KCNH5: variants seen among roughly 807,000 people sequenced by gnomAD.
The protein encoded by KCNH5 is voltage-gated delayed rectifier potassium channel KCNH5.
In KCNH5, 46 loss-of-function variants were observed where a neutral mutation model predicts 96.1. That is an observed-to-expected ratio of 0.48 (90% CI 0.38 to 0.61). KCNH5 has a LOEUF of 0.61. KCNH5 is among the 20% of genes least tolerant of loss of function. The pLI, the probability that KCNH5 is intolerant of heterozygous loss-of-function variation, is 0.00. For missense variants in KCNH5, 907 were observed against 1,225.8 expected, an observed-to-expected ratio of 0.74 and a Z score of 3.88; for synonymous variants, 439 against 449.8, an observed-to-expected ratio of 0.98 and a Z score of 0.30.
At position 62,709,228 on chromosome 14, in the gene KCNH5, T is replaced by G. The variant is rs148185147; in HGVS notation, c.2020-773A>C. Among the ~76,000 whole-genome samples, 11 of 39,928 alleles carry G rather than the reference T, an allele frequency of 2.8e-4. No individual in the cohort carries two copies. The South Asian group carries it at 6.7e-3, about 24-fold the overall frequency. 26.2% of individuals were successfully genotyped at this position (39,928 alleles called of 152,430 possible). A position where few individuals can be genotyped will look rare whatever the true frequency, so the allele number is the denominator to read the frequency against. ...CGCCTGGGCGACAGAACGAGACTCC[T>G]TCTCAAAAAAAAAAAAAAAAAAAAA... On this transcript the variant is annotated intron_variant, in intron 10 of 10. Coordinates refer to ENST00000322893, the MANE Select transcript of KCNH5 (RefSeq NM_139318.5).
intron 7 of KCNH5, among the ~76,000 whole-genome samples, chr14:62,943,735 C>A (rs1889833537): frequency 6.6e-6 from 1 of 152,128 alleles, no homozygotes; most frequent in Admixed American, 6.6e-5. Flanking sequence ...GAGGATGTGG[C>A]TACCCTGGGG....
At chr14:62,775,029 G>T (rs916262130) in intron 10 of KCNH5, among the ~76,000 whole-genome samples, 3 of 152,156 alleles carry the variant, frequency 2.0e-5, no homozygotes, top group African/African-American at 7.2e-5. Context: ...ATGTACTTCT[G>T]TCTAGCAGCA....
intron 7 of KCNH5, among the ~76,000 whole-genome samples, chr14:62,884,229 T>C (rs1241352600): frequency 1.3e-5 from 2 of 152,222 alleles, no homozygotes; most frequent in African/African-American, 4.8e-5. Flanking sequence ...GCGCTCAGTA[T>C]GGATATAGCC....
Position 62,705,844 on chromosome 14 carries a change from G to A in KCNH5, c.*1664C>T, listed in dbSNP as rs569027350. 2.0e-5 allele frequency: 3 copies of A among 151,992 alleles called. No homozygotes were observed. The highest frequency in any genetic ancestry group is 2.9e-5 in the Non-Finnish European group (2 of 67,906). 9.4% of individuals were successfully genotyped at this position (151,992 alleles called of 1,614,324 possible). Reference sequence around the variant, plus strand: ...TATAATAGATCAAGATATCTCCTTCGATTTTGCCATCATCTTTTGCATATT... The same window carrying A: ...TATAATAGATCAAGATATCTCCTTCAATTTTGCCATCATCTTTTGCATATT... On this transcript the variant is annotated 3_prime_UTR_variant, in exon 11 of 11. Transcript: ENST00000322893.
chr14:63,016,369 A>G (rs940682116), intron 2 of KCNH5, among the ~76,000 whole-genome samples: 1 of 152,100 alleles, frequency 6.6e-6, no homozygotes, highest in East Asian at 1.9e-4. Flanking sequence ...ATTACCAAGT[A>G]CATGTGGCTT....
rs188492417 is a variant in KCNH5 at position 62,722,722 on chromosome 14, C to T, written c.2020-14267G>A. Among the ~76,000 whole-genome samples, 39 of 152,246 alleles carry T rather than the reference C, an allele frequency of 2.6e-4. No individual in the cohort carries two copies. The East Asian group carries it at 7.3e-3, about 29-fold the overall frequency. On this transcript the variant is annotated intron_variant, in intron 10 of 10. Transcript: ENST00000322893. Reference sequence around the variant, plus strand: ...AATAACATCATTTGACATTGGCAAACGTAATACACTTTATAAAGCTCTTCC... The same window carrying T: ...AATAACATCATTTGACATTGGCAAATGTAATACACTTTATAAAGCTCTTCC...
chr14:62,765,399 A>G (rs1463443784), intron 10 of KCNH5, among the ~76,000 whole-genome samples: 3 of 152,122 alleles, frequency 2.0e-5, no homozygotes, highest in Non-Finnish European at 4.4e-5. Context: ...TGAAATGTAA[A>G]CCCTAAAACT....
intron 8 of KCNH5, among the ~76,000 whole-genome samples, chr14:62,817,738 A>AATATATTCTAGGAATATATTATATTCCT (rs150381635): frequency 0.044 from 6,201 of 142,342 alleles, 309 homozygotes; most frequent in East Asian, 0.22. Flanking sequence ...TCTATATAAT[A>AATATATTCTAGGAATATATTATATTCCT]ATATATTCTA....
chr14:62,799,594 C>G (rs147157424), intron 9 of KCNH5, among the ~76,000 whole-genome samples: 3,463 of 121,152 alleles, frequency 0.029, 152 homozygotes, highest in African/African-American at 0.088. Flanking sequence ...AAAAAAAAAG[C>G]CAAAAAGAAA....
chr14:62,931,109 T>A (rs571225378), intron 7 of KCNH5, among the ~76,000 whole-genome samples: 1 of 151,668 alleles, frequency 6.6e-6, no homozygotes, highest in African/African-American at 2.4e-5. Context: ...CGAGCAGAGG[T>A]TGTATATAAC....
intron 8 of KCNH5, among the ~76,000 whole-genome samples, chr14:62,839,210 G>A (rs748047512): frequency 1.6e-4 from 25 of 152,162 alleles, no homozygotes; most frequent in East Asian, 3.9e-4. Context: ...TCTGTAAGTC[G>A]TAGCATTATG....
At chr14:62,853,480 T>TATATATATAATATATATA (rs1887863259) in intron 7 of KCNH5, among the ~76,000 whole-genome samples, 1 of 48,784 alleles carries the variant, frequency 2.0e-5, no homozygotes, top group East Asian at 2.4e-3. Flanking sequence ...TATATATATA[T>TATATATATAATATATATA]CATATATATA....
At chr14:63,009,132 A>G (rs906898711) in intron 2 of KCNH5, among the ~76,000 whole-genome samples, 2 of 152,120 alleles carry the variant, frequency 1.3e-5, no homozygotes, top group Non-Finnish European at 2.9e-5. Flanking sequence ...TCAACAGAAA[A>G]ACAAAATAAG....
chr14:62,857,767 C>G (rs920378487), intron 7 of KCNH5, among the ~76,000 whole-genome samples: 1 of 152,152 alleles, frequency 6.6e-6, no homozygotes, highest in Non-Finnish European at 1.5e-5. Context: ...TCCACTGACT[C>G]AAATGTTAAA....
At position 62,707,521 on chromosome 14, in the gene KCNH5, T is replaced by A. The variant is rs1264238792; in HGVS notation, c.2954A>T (p.Glu985Val). The change falls in exon 11 of 11, where the codon GAA becomes GTA. Residue 985 changes from glutamate to valine, a missense_variant. Around this residue, in one of 6 missense-constraint regions of KCNH5, gnomAD observed 362 missense variants for 394.4 expected, o/e 0.92. Coordinates refer to ENST00000322893, the MANE Select transcript of KCNH5 (RefSeq NM_139318.5). ...TATGTATATATATTAAAAGTGGATT[T>A]CATCTTTGTCAGATTCAGGTGATTC... The part of the protein sequence containing the change: ...RPESPESDKD[E>V]IHF 5 of 1,442,666 alleles carry A rather than the reference T, an allele frequency of 3.5e-6. No homozygotes were observed. The highest frequency in any genetic ancestry group is 3.7e-6 in the Non-Finnish European group (4 of 1,091,464). The allele number at this position is 1,442,666 out of a possible 1,614,324, so 89.4% of individuals were successfully genotyped here.
At chr14:62,844,023 C>T (rs754148474) in intron 8 of KCNH5, among the ~76,000 whole-genome samples, 54 of 151,910 alleles carry the variant, frequency 3.6e-4, no homozygotes, top group Admixed American at 3.3e-4. Context: ...CTGATAGATT[C>T]GGTTAAAAGA....
chr14:62,882,252 T>C (rs1488601314), intron 7 of KCNH5, among the ~76,000 whole-genome samples: 1 of 151,860 alleles, frequency 6.6e-6, no homozygotes, highest in Non-Finnish European at 1.5e-5. Flanking sequence ...GACAGAGTGA[T>C]ACCTGTCTCA....
At chr14:62,745,266 C>T (rs1885352890) in intron 10 of KCNH5, among the ~76,000 whole-genome samples, 1 of 151,994 alleles carries the variant, frequency 6.6e-6, no homozygotes, top group South Asian at 2.1e-4. Context: ...GTCATTAGAC[C>T]CCTATGGTCA....
At position 63,028,637 on chromosome 14, in the gene KCNH5, G is replaced by A. The variant is rs185335593; in HGVS notation, c.74-11683C>T. On this transcript the variant is annotated intron_variant, in intron 1 of 10. Coordinates refer to ENST00000322893, the MANE Select transcript of KCNH5 (RefSeq NM_139318.5). ...TTTTTTTGCTTTAGATGGAAAAGTAGGAAGACTAGGAAGGAAGGAAAAGTC... is the reference window on the plus strand; with the variant it reads ...TTTTTTTGCTTTAGATGGAAAAGTAAGAAGACTAGGAAGGAAGGAAAAGTC... Among the ~76,000 whole-genome samples, 6 of 152,196 alleles carry A rather than the reference G, an allele frequency of 3.9e-5. No individual in the cohort carries two copies. In the East Asian group the frequency reaches 1.2e-3, roughly 29 times the overall value.
Sources: allele counts gnomAD v4.1 joint callset (sites outside exome capture counted in the v4.1 genomes callset), GRCh38; gene constraint gnomAD v4.1.1; regional missense constraint gnomAD v4.1.1; transcripts MANE v1.5; gene names NCBI Gene and HGNC (gene_info 2026-07-23, HGNC 2026-07-21).